The following UBASH3B variants were observed in gnomAD, a reference collection of about 807,000 sequenced individuals.
UBASH3B encodes the protein ubiquitin associated and SH3 domain containing B.
A neutral mutation model predicts 83.4 loss-of-function variants in UBASH3B; 37 were observed. The observed-to-expected ratio is 0.44, with a 90% CI of 0.34 to 0.58. The LOEUF is 0.58. UBASH3B is among the 20% of genes least tolerant of loss of function. The pLI is 0.01. For missense variants in UBASH3B, 657 were observed against 827.2 expected, an observed-to-expected ratio of 0.79 and a Z score of 2.52; for synonymous variants, 304 against 318.3, an observed-to-expected ratio of 0.96 and a Z score of 0.48.
intron 1 of UBASH3B, among the ~76,000 whole-genome samples, chr11:122,730,357 C>G (rs1265435116): frequency 6.6e-6 from 1 of 152,044 alleles, no homozygotes; most frequent in Non-Finnish European, 1.5e-5. Context: ...TTCCATGTGT[C>G]CCCTAAGAGA....
chr11:122,788,414 C>T (rs923751694), intron 5 of UBASH3B, among the ~76,000 whole-genome samples: 11 of 152,034 alleles, frequency 7.2e-5, no homozygotes, highest in African/African-American at 2.7e-4. Flanking sequence ...ACTAAAAATA[C>T]AAAAATTAGC....
chr11:122,791,894 C>T (rs911304616), intron 6 of UBASH3B, among the ~76,000 whole-genome samples: 110 of 152,326 alleles, frequency 7.2e-4, no homozygotes, highest in African/African-American at 2.5e-3. Flanking sequence ...TGAACCAAGA[C>T]AAGTTGATGA....
intron 1 of UBASH3B, among the ~76,000 whole-genome samples, chr11:122,689,767 C>A (rs1225888528): frequency 1.3e-5 from 2 of 152,164 alleles, no homozygotes; most frequent in Non-Finnish European, 2.9e-5. Context: ...TTGGGAGTTA[C>A]CACAACCCCC....
intron 1 of UBASH3B, among the ~76,000 whole-genome samples, chr11:122,705,113 G>A (rs754618728): frequency 6.6e-6 from 1 of 152,156 alleles, no homozygotes; most frequent in Non-Finnish European, 1.5e-5. Context: ...CTAGCTGCCA[G>A]CCGGACTCAT....
At position 122,807,622 on chromosome 11, in the gene UBASH3B, C is replaced by G. The variant is rs1861363538; in HGVS notation, c.1703-445C>G. 2.0e-5 allele frequency among the ~76,000 whole-genome samples: 3 copies of G among 152,092 alleles called. No individual in the cohort carries two copies. The South Asian group carries it at 6.2e-4, about 32-fold the overall frequency. ...CTGGAGCGCAGTGATGCAATCATGG[C>G]TCACTATAGCCTCAATCTCCTGGGC... is the stretch of plus-strand genomic sequence containing the variant. On this transcript the variant is annotated intron_variant, in intron 12 of 13. Coordinates refer to ENST00000284273, the MANE Select transcript of UBASH3B (RefSeq NM_032873.5).
intron 5 of UBASH3B, among the ~76,000 whole-genome samples, chr11:122,786,995 C>T (rs1393461310): frequency 1.3e-5 from 2 of 151,974 alleles, no homozygotes; most frequent in East Asian, 3.9e-4. Context: ...CCCCGCTCCC[C>T]CCCCACCGCC....
intron 1 of UBASH3B, among the ~76,000 whole-genome samples, chr11:122,686,276 G>C (rs142771831): frequency 6.6e-6 from 1 of 152,314 alleles, no homozygotes; most frequent in African/African-American, 2.4e-5. Flanking sequence ...CCTATGAGCT[G>C]AGTCATGTCG....
At chr11:122,766,372 C>T (rs566287768) in intron 1 of UBASH3B, among the ~76,000 whole-genome samples, 5 of 152,088 alleles carry the variant, frequency 3.3e-5, no homozygotes, top group Non-Finnish European at 4.4e-5. Flanking sequence ...GGTGAAACCC[C>T]GTCTCTACTA....
At chr11:122,805,462 G>A (rs1204536522) in intron 11 of UBASH3B, among the ~76,000 whole-genome samples, 1 of 152,144 alleles carries the variant, frequency 6.6e-6, no homozygotes, top group East Asian at 1.9e-4. Flanking sequence ...AACTCAGGAG[G>A]CGGAGGTTGC....
chr11:122,669,424 T>A (rs1232162634), intron 1 of UBASH3B, among the ~76,000 whole-genome samples: 16 of 152,180 alleles, frequency 1.1e-4, no homozygotes, highest in Admixed American at 1.0e-3. Context: ...AGGGCCCTAA[T>A]GATTATATCT....
rs1469328612 is a variant in UBASH3B, at chr11:122,726,394, G to A, written c.162-49825G>A. ...GACTGAGTTCTTGCTTTATCACCCA[G>A]GCTAGAGTGCAGTGGCGCGATCTTG... On this transcript the variant is annotated intron_variant, in intron 1 of 13. Transcript: ENST00000284273. 6 of 135,404 alleles carry A rather than the reference G, an allele frequency of 4.4e-5. No homozygotes were observed. In the East Asian group the frequency reaches 1.3e-3, roughly 29 times the overall value. 8.4% of individuals were successfully genotyped at this position (135,404 alleles called of 1,614,324 possible).
chr11:122,783,861 A>G (rs540709214), intron 5 of UBASH3B, among the ~76,000 whole-genome samples: 1 of 152,242 alleles, frequency 6.6e-6, no homozygotes, highest in East Asian at 1.9e-4. Context: ...AAAGATTGGT[A>G]CACCCCTAGC....
chr11:122,656,299 C>T (rs1232966561), intron 1 of UBASH3B, 89 bp downstream of exon 1: 2 of 1,227,080 alleles, frequency 1.6e-6, no homozygotes, highest in East Asian at 3.2e-5. Context: ...CCAGCGCCTG[C>T]GGGACAGGCA....
At chr11:122,703,837 G>A (rs1004007460) in intron 1 of UBASH3B, among the ~76,000 whole-genome samples, 6 of 152,232 alleles carry the variant, frequency 3.9e-5, no homozygotes, top group Middle Eastern at 3.2e-3. Flanking sequence ...CATTTCTCTA[G>A]GGTAGAAGAG....
intron 1 of UBASH3B, chr11:122,774,229 G>T (rs1295421569): frequency 1.0e-6 from 1 of 985,404 alleles, no homozygotes; most frequent in Admixed American, 6.1e-5. Flanking sequence ...CGGAGCAGAG[G>T]GGTCTGTCTT....
At chr11:122,660,526 C>G (rs1863425455) in intron 1 of UBASH3B, among the ~76,000 whole-genome samples, 1 of 152,178 alleles carries the variant, frequency 6.6e-6, no homozygotes, top group Admixed American at 6.5e-5. Flanking sequence ...AGGAGAGGGT[C>G]TGAGCCTAAC....
In UBASH3B at chr11:122,806,580, G is replaced by C. The variant is rs1861343091; in HGVS notation, c.1702+64G>C. 3 of 1,441,736 alleles carry C rather than the reference G, an allele frequency of 2.1e-6. No homozygotes were observed. The highest frequency in any genetic ancestry group is 3.2e-5 in the South Asian group (2 of 62,920). 89.3% of individuals were successfully genotyped at this position (1,441,736 alleles called of 1,614,324 possible). On this transcript the variant is annotated intron_variant, in intron 12 of 13. Transcript: ENST00000284273. This position sits in a 1 kb window ranked among gnomAD's most constrained non-coding sequence, Gnocchi z 4.0. ...GATTATTTCTCTATAATGGTTAATA[G>C]GTTATTCAAGATGTTTCAACTTGCT...
intron 1 of UBASH3B, among the ~76,000 whole-genome samples, chr11:122,657,478 G>A (rs1249660591): frequency 6.6e-6 from 1 of 151,982 alleles, no homozygotes; most frequent in Non-Finnish European, 1.5e-5. Context: ...TAGAAGAGAT[G>A]GGGTTCTGCC....
At chr11:122,667,145 G>A (rs954827439) in intron 1 of UBASH3B, among the ~76,000 whole-genome samples, 1 of 148,528 alleles carries the variant, frequency 6.7e-6, no homozygotes, top group African/African-American at 2.5e-5. Context: ...CTGGGTTCAA[G>A]CGATTCTCCT....
Sources: gnomAD v4.1 joint callset for allele counts (sites outside exome capture counted in the v4.1 genomes callset) on GRCh38, gnomAD v4.1.1 for gene constraint, Gnocchi (gnomAD v3.1) non-coding constraint, MANE v1.5 for transcripts, NCBI Gene and HGNC (gene_info 2026-07-23, HGNC 2026-07-21) for gene names.